GLIS2: variants seen among roughly 807,000 people sequenced by gnomAD.
GLIS2 encodes GLIS family zinc finger 2.
A neutral mutation model predicts 35.6 loss-of-function variants in GLIS2; 14 were observed. That is an observed-to-expected ratio of 0.39 (90% CI 0.26 to 0.61). The LOEUF is 0.61. Ranked by LOEUF, GLIS2 falls within the 20% of genes least tolerant of loss-of-function variation. The probability of loss-of-function intolerance (pLI) is 0.48; values close to 1 mark genes in which losing one functional copy is unlikely to be tolerated. For missense variants in GLIS2, 675 were observed against 713.4 expected (o/e 0.95, Z 0.61); for synonymous variants, 368 against 325.1 (o/e 1.13, Z -1.42).
Position 4,328,953 on chromosome 16 carries a change from TGTG to T in GLIS2, c.-66-3259_-66-3257del, listed in dbSNP as rs373859483. On this transcript the variant is annotated intron_variant, in intron 1 of 6. Coordinates refer to ENST00000433375, the MANE Select transcript of GLIS2 (RefSeq NM_032575.3). ...CCCAGTTCCCAAACCATCCTGCCCT[TGTG>T]GTCCCCTTCTCCGGAAGGGTGGGGG... Among the ~76,000 whole-genome samples the T allele has an allele frequency of 1.6e-4, 23 of 141,594 alleles. No individual in the cohort carries two copies. In the East Asian group the frequency reaches 5.2e-3, roughly 32 times the overall value. 92.9% of individuals were successfully genotyped at this position (141,594 alleles called of 152,430 possible).
Position 4,338,668 on chromosome 16 carries a change from C to T in GLIS2, c.*1144C>T, listed in dbSNP as rs2053588213. ...ACCCATGACACGTTGCTTCCTCTGG[C>T]TTTTCCCTGCTGGGCCGCTTTCTCA... On this transcript the variant is annotated 3_prime_UTR_variant, in exon 7 of 7. Transcript: ENST00000433375. 1.3e-5 allele frequency: 2 copies of T among 153,066 alleles called. No homozygotes were observed. The highest frequency in any genetic ancestry group is 4.8e-5 in the African/African-American group (2 of 41,464). The allele number at this position is 153,066 out of a possible 1,614,324, so 9.5% of individuals were successfully genotyped here.
At chr16:4,331,164 T>TA (rs1320012700) in intron 1 of GLIS2, among the ~76,000 whole-genome samples, 2 of 151,826 alleles carry the variant, frequency 1.3e-5, no homozygotes, top group African/African-American at 2.4e-5. Flanking sequence ...TGTTATTTAA[T>TA]AGAGTTGGGG....
At position 4,335,009 on chromosome 16, in the gene GLIS2, T is replaced by A; in HGVS notation, c.522+32T>A. On this transcript the variant is annotated intron_variant, in intron 4 of 6. Coordinates refer to ENST00000433375, the MANE Select transcript of GLIS2 (RefSeq NM_032575.3). This position sits in a 1 kb window ranked among gnomAD's most constrained non-coding sequence, Gnocchi z 4.6. ...GGGGGCCAGCAAGAGTAGTGTGGAG[T>A]CTGGGGCAGGTCACCCCGCATGGGC... 1.9e-6 allele frequency: 3 copies of A among 1,612,840 alleles called. No homozygotes were observed. Among genetic ancestry groups the A allele is most frequent in the Non-Finnish European group, 2.5e-6 (3 of 1,179,902 alleles).
Position 4,320,362 on chromosome 16 carries a change from G to A in GLIS2, c.-67+4108G>A, listed in dbSNP as rs913362157. Among the ~76,000 whole-genome samples, 120 of 152,274 alleles carry A rather than the reference G, an allele frequency of 7.9e-4. No homozygotes were observed. The highest frequency in any genetic ancestry group is 2.5e-3 in the African/African-American group (103 of 41,544). On this transcript the variant is annotated intron_variant, in intron 1 of 6. Transcript: ENST00000433375. This position sits in a 1 kb window ranked among gnomAD's most constrained non-coding sequence, Gnocchi z 5.6. The stretch of plus-strand genomic sequence containing the variant: ...AGGGTCCCCACCGCTGGCACAGCAC[G>A]CTCCCAGGGCAGCCTCGCTTGGACC...
chr16:4,330,446 G>A (rs1474989546), intron 1 of GLIS2, among the ~76,000 whole-genome samples: 1 of 152,206 alleles, frequency 6.6e-6, no homozygotes, highest in African/African-American at 2.4e-5. Context: ...GCCCCAGCTG[G>A]CCAGGCCAGG....
rs1200268692 is a variant in GLIS2 at position 4,337,861 on chromosome 16, C to G, written c.*337C>G. ...CCCTGGCACCTCCCTCACCTAGTGACCACCCATGGCAAGTTGCCCTCTCCC... is the reference window on the plus strand; with the variant it reads ...CCCTGGCACCTCCCTCACCTAGTGAGCACCCATGGCAAGTTGCCCTCTCCC... On this transcript the variant is annotated 3_prime_UTR_variant, in exon 7 of 7. Transcript: ENST00000433375. 1 of 473,146 alleles carries G rather than the reference C, an allele frequency of 2.1e-6. No homozygotes were observed. The highest frequency in any genetic ancestry group is 2.0e-5 in the African/African-American group (1 of 50,958). The allele number at this position is 473,146 out of a possible 1,614,324, so 29.3% of individuals were successfully genotyped here. A position where few individuals can be genotyped will look rare whatever the true frequency, so the allele number is the denominator to read the frequency against.
chr16:4,328,842 C>T (rs1472183786), intron 1 of GLIS2, among the ~76,000 whole-genome samples: 2 of 152,226 alleles, frequency 1.3e-5, no homozygotes, highest in African/African-American at 4.8e-5. Context: ...CCCGAGTCCC[C>T]ATCTGTCCTG....
chr16:4,316,081 A>G lies in GLIS2; in HGVS notation c.-240A>G, dbSNP rs1243654675. ...CCGCCGCGGCCACCTTCCCTGCCCG[A>G]GCTGCAGATGTGGCGGAGCGGCCGG... On this transcript the variant is annotated 5_prime_UTR_variant, in exon 1 of 7. Coordinates refer to ENST00000433375, the MANE Select transcript of GLIS2 (RefSeq NM_032575.3). 2.7e-4 allele frequency among the ~76,000 whole-genome samples: 34 copies of G among 124,398 alleles called. No homozygotes were observed. Among genetic ancestry groups the G allele is most frequent in the Non-Finnish European group, 4.6e-4 (28 of 60,796 alleles). 81.6% of individuals were successfully genotyped at this position (124,398 alleles called of 152,430 possible).
chr16:4,337,612 A>C lies in GLIS2; in HGVS notation c.*88A>C. 8.0e-6 allele frequency: 12 copies of C among 1,500,892 alleles called. No individual in the cohort carries two copies. Among genetic ancestry groups the C allele is most frequent in the Middle Eastern group, 2.2e-4 (1 of 4,646 alleles). 93.0% of individuals were successfully genotyped at this position (1,500,892 alleles called of 1,614,324 possible). On this transcript the variant is annotated 3_prime_UTR_variant, in exon 7 of 7. Transcript: ENST00000433375. ...GAAACTCTTCTGTGAAATAGCAATA[A>C]TGTCCTACTGCCCGGGCAGCCCCAG...
intron 1 of GLIS2, among the ~76,000 whole-genome samples, chr16:4,322,553 T>G (rs1567217657): frequency 6.6e-6 from 1 of 151,816 alleles, no homozygotes; most frequent in African/African-American, 2.4e-5. Context: ...GGCTCCCACC[T>G]CCCCAAGGCT....
chr16:4,332,122 C>T lies in GLIS2; in HGVS notation c.-66-93C>T, dbSNP rs1301916198. 1.8e-5 allele frequency: 17 copies of T among 939,246 alleles called. No homozygotes were observed. The highest frequency in any genetic ancestry group is 2.6e-4 in the Middle Eastern group (1 of 3,780). The allele number at this position is 939,246 out of a possible 1,614,324, so 58.2% of individuals were successfully genotyped here. A position where few individuals can be genotyped will look rare whatever the true frequency, so the allele number is the denominator to read the frequency against. On this transcript the variant is annotated intron_variant, in intron 1 of 6. Transcript: ENST00000433375. The surrounding 1 kb of genome is among the most constrained non-coding windows in gnomAD (Gnocchi z 5.4). Reference sequence around the variant, plus strand: ...TACCCAGGAGACAACCTCACACTGCCCCCTGCTCCTGCTCCTGTTAGACTG... The same window carrying T: ...TACCCAGGAGACAACCTCACACTGCTCCCTGCTCCTGCTCCTGTTAGACTG...
Position 4,332,434 on chromosome 16 carries a change from C to A in GLIS2, c.154C>A (p.Pro52Thr). The A allele has an allele frequency of 6.2e-7, 1 of 1,612,004 alleles. No homozygotes were observed. The highest frequency in any genetic ancestry group is 1.1e-5 in the South Asian group (1 of 91,020). The change falls in exon 2 of 7, where the codon CCA becomes ACA. Residue 52 changes from proline to threonine, a missense_variant. Physicochemically the swap from Pro to Thr is conservative, Grantham distance 38. This residue lies in a region of GLIS2 where 225 missense variants were observed against 238.7 expected (regional missense o/e 0.94). Coordinates refer to ENST00000433375, the MANE Select transcript of GLIS2 (RefSeq NM_032575.3). The surrounding 1 kb of genome is among the most constrained non-coding windows in gnomAD (Gnocchi z 5.4). ...LVDDSPTPGS[P>T]GSPPSGFLLN... ...GGATGACAGCCCCACACCTGGCTCT[C>A]CAGGCTCCCCGCCCTCAGGTACTGG...
intron 1 of GLIS2, among the ~76,000 whole-genome samples, chr16:4,327,993 C>A (rs1270221610): frequency 6.6e-6 from 1 of 152,196 alleles, no homozygotes; most frequent in East Asian, 1.9e-4. Context: ...GCCCTGGGCT[C>A]TGTGCACCCT....
rs1275853853 is a variant in GLIS2, at chr16:4,339,493, T to C, written c.*1969T>C. 2 of 152,448 alleles carry C rather than the reference T, an allele frequency of 1.3e-5. No homozygotes were observed. The highest frequency in any genetic ancestry group is 2.9e-5 in the Non-Finnish European group (2 of 68,014). 9.4% of individuals were successfully genotyped at this position (152,448 alleles called of 1,614,324 possible). ...TTCCTCCTCTTGGCTCCATTGCTGT[T>C]AGCATAGAGTTTTAAAAAAAGAGAT... On this transcript the variant is annotated 3_prime_UTR_variant, in exon 7 of 7. Coordinates refer to ENST00000433375, the MANE Select transcript of GLIS2 (RefSeq NM_032575.3).
At position 4,338,071 on chromosome 16, in the gene GLIS2, C is replaced by G. The variant is rs1482412727; in HGVS notation, c.*547C>G. ...CTCCAGAGGGAAAGCAAGACAGATG[C>G]AGGCCCCTGCAAAGCCCCAGGTAGA... On this transcript the variant is annotated 3_prime_UTR_variant, in exon 7 of 7. Transcript: ENST00000433375. The G allele has an allele frequency of 1.1e-5, 2 of 180,670 alleles. No individual in the cohort carries two copies. Among genetic ancestry groups the G allele is most frequent in the Non-Finnish European group, 2.4e-5 (2 of 84,968 alleles). 11.2% of individuals were successfully genotyped at this position (180,670 alleles called of 1,614,324 possible). A position where few individuals can be genotyped will look rare whatever the true frequency, so the allele number is the denominator to read the frequency against.
intron 3 of GLIS2, among the ~76,000 whole-genome samples, chr16:4,334,234 C>T (rs112606201): frequency 0.02 from 2,681 of 136,438 alleles, 41 homozygotes; most frequent in Middle Eastern, 0.053. Flanking sequence ...CCACTGTGCC[C>T]GGCCTTTTTT....
intron 1 of GLIS2, chr16:4,331,661 G>A (rs983739357): frequency 5.7e-5 from 9 of 158,268 alleles, no homozygotes; most frequent in African/African-American, 9.6e-5. Context: ...ACGCAGTTTC[G>A]CCAAGCGTGG....
At chr16:4,315,072 G>C (rs2053292535), upstream of GLIS2, 1 of 152,382 alleles carries the variant, frequency 6.6e-6, no homozygotes, top group Admixed American at 6.5e-5. Context: ...CGCGGGCGCC[G>C]CGCAGGGTGC....
chr16:4,315,969 G>C (rs2053305663), upstream of GLIS2, among the ~76,000 whole-genome samples: 1 of 144,008 alleles, frequency 6.9e-6, no homozygotes, highest in Admixed American at 6.8e-5. Flanking sequence ...GCCCTCCTCC[G>C]CGGCCGGCGG....
Sources: allele counts gnomAD v4.1 joint callset (sites outside exome capture counted in the v4.1 genomes callset), GRCh38; gene constraint gnomAD v4.1.1; regional missense constraint gnomAD v4.1.1; non-coding constraint Gnocchi (gnomAD v3.1); transcripts MANE v1.5; gene names NCBI Gene and HGNC (gene_info 2026-07-23, HGNC 2026-07-21).